Variants in PRKRIP1 observed in about 807,000 individuals in gnomAD.
PRKRIP1 encodes the protein PRKR interacting protein 1, also known as PRKR-interacting protein 1.
In PRKRIP1, 29 loss-of-function variants were observed where a neutral mutation model predicts 29.3. That is an observed-to-expected ratio of 0.99 (90% confidence interval 0.74 to 1.35). The LOEUF is 1.35. PRKRIP1 is among the 40% of genes most tolerant of loss of function. The pLI is 0.00. For synonymous variants in PRKRIP1, 90 were observed against 85.1 expected, an observed-to-expected ratio of 1.06 and a Z score of -0.32; for missense variants, 247 against 236.8, an observed-to-expected ratio of 1.04 and a Z score of -0.28.
intron 4 of PRKRIP1, among the ~76,000 whole-genome samples, chr7:102,405,058 C>G (rs565194704): frequency 3.6e-4 from 55 of 152,202 alleles, no homozygotes; most frequent in African/African-American, 1.3e-3. Flanking sequence ...TCCTGAGTAG[C>G]TGGGATTACA....
In PRKRIP1 at chr7:102,397,674, C is replaced by T. The variant is rs1205784434; in HGVS notation, c.181C>T (p.Pro61Ser). 4.3e-6 allele frequency: 7 copies of T among 1,613,588 alleles called. No individual in the cohort carries two copies. The Admixed American group carries it at 1.2e-4, about 27-fold the overall frequency. ...GAGTGAATGGGCACCTCGACCTCCC[C>T]CAGAATTTGTCCGAGATGTCATGGG... The part of the protein sequence containing the change: ...KMSEWAPRPP[P>S]EFVRDVMGSS... The change falls in exon 2 of 6, where the codon CCA becomes TCA. Residue 61 changes from proline to serine, a missense_variant. Physicochemically the swap from Pro to Ser is moderately conservative, Grantham distance 74. Coordinates refer to ENST00000397912, the MANE Select transcript of PRKRIP1 (RefSeq NM_024653.4).
At chr7:102,404,512 C>G in intron 3 of PRKRIP1, 86 bp from the exon 4 acceptor site, 1 of 1,095,404 alleles carries the variant, frequency 9.1e-7, no homozygotes, top group East Asian at 2.4e-5. Flanking sequence ...GGTGTGACTT[C>G]TAGAACTCTC....
chr7:102,415,964 T>G (rs1302961453), intron 5 of PRKRIP1, among the ~76,000 whole-genome samples: 1 of 152,250 alleles, frequency 6.6e-6, no homozygotes, highest in Non-Finnish European at 1.5e-5. Context: ...TGCATGTGCT[T>G]AGGCTGCCTG....
rs1554574368 is a variant in PRKRIP1, at chr7:102,425,717, G to A, written c.*606G>A. ...TGTGTGCACAAGGAGGCCCGGGCCA[G>A]GGACTTCACCAGGGGCTGGGTCACA... On this transcript the variant is annotated 3_prime_UTR_variant, in exon 6 of 6. Coordinates refer to ENST00000397912, the MANE Select transcript of PRKRIP1 (RefSeq NM_024653.4). 5.9e-6 allele frequency: 1 copy of A among 168,332 alleles called. No homozygotes were observed. Among genetic ancestry groups the A allele is most frequent in the East Asian group, 1.9e-4 (1 of 5,254 alleles). 10.4% of individuals were successfully genotyped at this position (168,332 alleles called of 1,614,324 possible).
chr7:102,396,389 G>A lies in PRKRIP1; in HGVS notation c.-23G>A, dbSNP rs1416621261. On this transcript the variant is annotated 5_prime_UTR_variant, in exon 1 of 6. Transcript: ENST00000397912. Reference sequence around the variant, plus strand: ...TACTTGCGCGCCGACGCCGCCGCTCGCTTGTGAAACTGGAAGGCTGCCATG... The same window carrying A: ...TACTTGCGCGCCGACGCCGCCGCTCACTTGTGAAACTGGAAGGCTGCCATG... 8 of 1,523,554 alleles carry A rather than the reference G, an allele frequency of 5.3e-6. No homozygotes were observed. In the African/African-American group the frequency reaches 5.6e-5, roughly 11 times the overall value. The allele number at this position is 1,523,554 out of a possible 1,614,324, so 94.4% of individuals were successfully genotyped here.
chr7:102,399,676 C>A, intron 3 of PRKRIP1, 28 bp downstream of exon 3: 3 of 1,553,994 alleles, frequency 1.9e-6, no homozygotes, highest in Non-Finnish European at 2.7e-6. Flanking sequence ...CTGGCTGAGC[C>A]CCCATGTTTG....
intron 1 of PRKRIP1, 30 bp downstream of exon 1, chr7:102,396,567 T>A (rs1312099931): frequency 6.3e-7 from 1 of 1,595,160 alleles, no homozygotes; most frequent in Non-Finnish European, 8.5e-7. Flanking sequence ...CCACGGCCCG[T>A]CCGAGGCCCA....
Position 102,404,490 on chromosome 7 carries a change from G to A in PRKRIP1, c.307-108G>A, listed in dbSNP as rs10238685. 4,634 of 842,258 alleles carry A rather than the reference G, an allele frequency of 5.5e-3. 128 individuals are homozygous for A. In the African/African-American group the frequency reaches 0.067, roughly 12 times the overall value. The allele number at this position is 842,258 out of a possible 1,614,324, so 52.2% of individuals were successfully genotyped here. A position where few individuals can be genotyped will look rare whatever the true frequency, so the allele number is the denominator to read the frequency against. ...CCCTGGGGACCCGGGTAGTGCCTCC[G>A]TCACCCCCAGTGGTGTGACTTCTAG... is the stretch of plus-strand genomic sequence containing the variant. On this transcript the variant is annotated intron_variant, in intron 3 of 5. Coordinates refer to ENST00000397912, the MANE Select transcript of PRKRIP1 (RefSeq NM_024653.4).
chr7:102,399,538 C>T lies in PRKRIP1; in HGVS notation c.206-10C>T. On this transcript the variant is annotated splice_polypyrimidine_tract_variant and intron_variant, in intron 2 of 5. Transcript: ENST00000397912. ...ATTTCATCTAGAACTGTGGACTGTT[C>T]TGGCTACAGGTTCAAGTGCTGGGGC... The T allele has an allele frequency of 1.2e-6, 2 of 1,611,052 alleles. No homozygotes were observed. The highest frequency in any genetic ancestry group is 1.7e-6 in the Non-Finnish European group (2 of 1,177,304).
intron 5 of PRKRIP1, among the ~76,000 whole-genome samples, chr7:102,422,270 G>C (rs1402549345): frequency 6.6e-6 from 1 of 150,898 alleles, no homozygotes; most frequent in Admixed American, 6.6e-5. Context: ...TCCCTCCCGG[G>C]TTCAAGCGAT....
In PRKRIP1 at chr7:102,407,504, T is replaced by C. The variant is rs868947109; in HGVS notation, c.457+6T>C. ...TGAACAGAAGAAACAAGAAGGTGAG[T>C]GGTGCCCACTTTTCTTGGCTGTAGC... On this transcript the variant is annotated splice_donor_region_variant and intron_variant, in intron 5 of 5. Transcript: ENST00000397912. The C allele has an allele frequency of 1.2e-6, 2 of 1,607,096 alleles. No homozygotes were observed. The highest frequency in any genetic ancestry group is 2.7e-5 in the African/African-American group (2 of 74,850).
intron 3 of PRKRIP1, among the ~76,000 whole-genome samples, chr7:102,400,473 A>G (rs1796036177): frequency 6.6e-6 from 1 of 152,140 alleles, no homozygotes. Context: ...GTGTAATTTC[A>G]TTTATATGAC....
At chr7:102,409,749 A>C (rs1174492633) in intron 5 of PRKRIP1, among the ~76,000 whole-genome samples, 1 of 151,934 alleles carries the variant, frequency 6.6e-6, no homozygotes, top group Non-Finnish European at 1.5e-5. Flanking sequence ...GCCTGAGCCC[A>C]GGAGGTCAAG....
At chr7:102,416,471 C>T (rs1796551899) in intron 5 of PRKRIP1, among the ~76,000 whole-genome samples, 1 of 152,174 alleles carries the variant, frequency 6.6e-6, no homozygotes. Context: ...TGTTATTACG[C>T]ATTCTTCGGC....
intron 3 of PRKRIP1, among the ~76,000 whole-genome samples, chr7:102,403,049 G>A (rs113362317): frequency 0.077 from 11,765 of 151,944 alleles, 511 homozygotes; most frequent in African/African-American, 0.11. Flanking sequence ...TAATTTTTGT[G>A]TTTTTAGTAG....
At chr7:102,403,561 A>G (rs545401695) in intron 3 of PRKRIP1, among the ~76,000 whole-genome samples, 49 of 152,214 alleles carry the variant, frequency 3.2e-4, no homozygotes, top group Non-Finnish European at 7.1e-4. Flanking sequence ...CAGTGGCGCA[A>G]TTTCCGGTCT....
rs1374972612 is a variant in PRKRIP1, at chr7:102,397,727, T to C, written c.205+29T>C. On this transcript the variant is annotated intron_variant, in intron 2 of 5. Transcript: ENST00000397912. ...ATGGCTGTGTGTGTGTGTGTGTGTG[T>C]GTGTGTGTGTAAATATAATTTTTTA... The C allele has an allele frequency of 2.5e-6, 4 of 1,589,728 alleles. No homozygotes were observed. The African/African-American group carries it at 4.0e-5, about 16-fold the overall frequency.
chr7:102,411,472 C>A (rs1413571245), intron 5 of PRKRIP1, among the ~76,000 whole-genome samples: 1 of 151,972 alleles, frequency 6.6e-6, no homozygotes, highest in African/African-American at 2.4e-5. Context: ...GCAACCTCCA[C>A]CTCCTGGGTT....
chr7:102,404,967 C>T (rs1319246167), intron 4 of PRKRIP1, among the ~76,000 whole-genome samples: 1 of 151,928 alleles, frequency 6.6e-6, no homozygotes, highest in Non-Finnish European at 1.5e-5. Context: ...CACTGTGTCC[C>T]CCAGGCTGCA....
Sources: allele counts gnomAD v4.1 joint callset (sites outside exome capture counted in the v4.1 genomes callset), GRCh38; gene constraint gnomAD v4.1.1; transcripts MANE v1.5; gene names NCBI Gene and HGNC (gene_info 2026-07-23, HGNC 2026-07-21).